PARPBP: variants seen among roughly 807,000 people sequenced by gnomAD.
The protein encoded by PARPBP is PCNA-interacting partner.
PARPBP carries 52 observed loss-of-function variants against 50.0 expected under a neutral mutation model. That is an observed-to-expected ratio of 1.04 (90% CI 0.83 to 1.31). PARPBP has a LOEUF of 1.31. Ranked by LOEUF, PARPBP falls within the 50% of genes most tolerant of loss-of-function variation. The probability of loss-of-function intolerance (pLI) is 0.00; values close to 1 mark genes in which losing one functional copy is unlikely to be tolerated. For missense variants in PARPBP, 697 were observed against 672.0 expected, an observed-to-expected ratio of 1.04 and a Z score of -0.41; for synonymous variants, 244 against 232.1, an observed-to-expected ratio of 1.05 and a Z score of -0.47.
intron 4 of PARPBP, among the ~76,000 whole-genome samples, chr12:102,157,672 C>G (rs1354751597): frequency 6.6e-6 from 1 of 152,126 alleles, no homozygotes; most frequent in African/African-American, 2.4e-5. Context: ...CTCTCCAGTA[C>G]AAAGATGTAG....
chr12:102,175,747 C>A, intron 7 of PARPBP, 81 bp downstream of exon 7: 1 of 846,670 alleles, frequency 1.2e-6, no homozygotes, highest in Non-Finnish European at 1.7e-6. Flanking sequence ...TTTATTATTG[C>A]TACTTAAGTC....
intron 1 of PARPBP, among the ~76,000 whole-genome samples, chr12:102,122,803 G>A (rs926119171): frequency 1.3e-5 from 2 of 152,176 alleles, no homozygotes; most frequent in Admixed American, 1.3e-4. Context: ...GTAAAATAAG[G>A]ATAATAACAG....
chr12:102,175,234 C>G (rs1889146917), intron 6 of PARPBP, among the ~76,000 whole-genome samples: 2 of 152,148 alleles, frequency 1.3e-5, no homozygotes, highest in South Asian at 4.1e-4. Flanking sequence ...TCACATATAA[C>G]TAAATTATTT....
At chr12:102,182,876 G>GT (rs1313099043) in intron 9 of PARPBP, among the ~76,000 whole-genome samples, 2 of 152,158 alleles carry the variant, frequency 1.3e-5, no homozygotes, top group Non-Finnish European at 2.9e-5. Flanking sequence ...AGTTGCTATT[G>GT]TAAGTGTTGA....
At chr12:102,162,750 A>G (rs373756873) in intron 4 of PARPBP, among the ~76,000 whole-genome samples, 126 of 152,160 alleles carry the variant, frequency 8.3e-4, no homozygotes, top group Middle Eastern at 3.4e-3. Flanking sequence ...TAAGCCTGGG[A>G]GGTTGAGGTT....
chr12:102,192,545 A>G (rs1890891671), intron 9 of PARPBP, among the ~76,000 whole-genome samples: 1 of 152,000 alleles, frequency 6.6e-6, no homozygotes, highest in Non-Finnish European at 1.5e-5. Context: ...TAGGTCTTTT[A>G]CATATGTTGT....
intron 6 of PARPBP, 57 bp from the exon 7 acceptor site, chr12:102,175,426 A>G: frequency 9.0e-7 from 1 of 1,115,946 alleles, no homozygotes; most frequent in Non-Finnish European, 1.3e-6. Flanking sequence ...TTTCAAGTCT[A>G]TAAGCATATT....
intron 4 of PARPBP, among the ~76,000 whole-genome samples, chr12:102,159,037 G>A (rs1284709787): frequency 6.6e-6 from 1 of 152,114 alleles, no homozygotes; most frequent in Non-Finnish European, 1.5e-5. Flanking sequence ...GATTTTCTGA[G>A]GAGTATTAAA....
chr12:102,165,904 A>T, intron 6 of PARPBP, 21 bp downstream of exon 6: 1 of 1,409,094 alleles, frequency 7.1e-7, no homozygotes, highest in Non-Finnish European at 9.9e-7. Flanking sequence ...TTCATATATT[A>T]CAAATATGTT....
At chr12:102,128,121 T>C (rs1169738233) in intron 2 of PARPBP, among the ~76,000 whole-genome samples, 1 of 152,166 alleles carries the variant, frequency 6.6e-6, no homozygotes, top group Admixed American at 6.5e-5. Context: ...CTCTTGAAAT[T>C]ATTCCTCCTA....
rs772925662 is a variant in PARPBP at position 102,195,405 on chromosome 12, TC to T, written c.1358del (p.Ser453Ter). 5 of 1,596,358 alleles carry T rather than the reference TC, an allele frequency of 3.1e-6. 1 individual carries two copies. The South Asian group carries it at 5.6e-5, about 18-fold the overall frequency. On this transcript the variant is annotated frameshift_variant, in exon 10 of 11. Transcript: ENST00000327680. LOFTEE classifies it low-confidence loss of function (END_TRUNC). ...KDNWNNVNLASKPLCVLYMEN... is the reference protein window; with the variant it reads ...KDNWNNVNLAXKPLCVLYMEN... ...TAATTGGAATAATGTTAATTTAGCA[TC>T]AAAGCCTTTGTGTGTTCTTTACATG... is the stretch of plus-strand genomic sequence containing the variant.
intron 6 of PARPBP, among the ~76,000 whole-genome samples, chr12:102,168,530 A>G: frequency 6.6e-6 from 1 of 152,146 alleles, no homozygotes; most frequent in Admixed American, 6.6e-5. Context: ...TGCAGTAGGT[A>G]TAGGTTTGTT....
chr12:102,124,871 G>A (rs1443188414), intron 2 of PARPBP, among the ~76,000 whole-genome samples: 6 of 152,076 alleles, frequency 3.9e-5, no homozygotes, highest in African/African-American at 1.4e-4. Context: ...AAAATTATTA[G>A]ACACTGACAG....
rs149900763 is a variant in PARPBP, at chr12:102,132,815, CT to C, written c.153+8776del. ...GGGATAACTTTCCGTATACTTGTGT[CT>C]TCTTTAATTTCTTTTATCCATGTTT... On this transcript the variant is annotated intron_variant, in intron 2 of 10. Transcript: ENST00000327680. Among the ~76,000 whole-genome samples the C allele has an allele frequency of 3.4e-3, 512 of 152,100 alleles. 2 individuals are homozygous for C. Among genetic ancestry groups the C allele is most frequent in the African/African-American group, 0.012 (478 of 41,502 alleles).
chr12:102,145,247 A>G (rs933835149), intron 2 of PARPBP, among the ~76,000 whole-genome samples: 4 of 152,170 alleles, frequency 2.6e-5, no homozygotes, highest in African/African-American at 7.2e-5. Flanking sequence ...CTAGTGAACT[A>G]TAGTTGTACT....
chr12:102,144,752 ACT>A (rs754515205), intron 2 of PARPBP, among the ~76,000 whole-genome samples: 12 of 152,166 alleles, frequency 7.9e-5, no homozygotes, highest in Admixed American at 4.6e-4. Flanking sequence ...TAGTTTTAAA[ACT>A]CTAAATAACT....
chr12:102,157,024 T>G (rs1887026048), intron 4 of PARPBP, among the ~76,000 whole-genome samples: 1 of 152,238 alleles, frequency 6.6e-6, no homozygotes, highest in African/African-American at 2.4e-5. Flanking sequence ...TTAACACATT[T>G]GGTGAATCAC....
intron 2 of PARPBP, among the ~76,000 whole-genome samples, chr12:102,145,177 T>C (rs992291416): frequency 1.3e-5 from 2 of 152,106 alleles, no homozygotes; most frequent in Non-Finnish European, 2.9e-5. Context: ...GAAAATAATA[T>C]TTAGGAGTAC....
Position 102,151,935 on chromosome 12 carries a change from G to T in PARPBP, c.388-1934G>T, listed in dbSNP as rs753032278. On this transcript the variant is annotated intron_variant, in intron 3 of 10. Coordinates refer to ENST00000327680, the MANE Select transcript of PARPBP (RefSeq NM_017915.5). ...AATATAAAACCAGGAGCAAACCTCCGAAGTCCAGGCATCTCAGAGAAATGC... is the reference window on the plus strand; with the variant it reads ...AATATAAAACCAGGAGCAAACCTCCTAAGTCCAGGCATCTCAGAGAAATGC... 185 of 634,404 alleles carry T rather than the reference G, an allele frequency of 2.9e-4. No individual in the cohort carries two copies. The Middle Eastern group carries it at 3.2e-3, about 11-fold the overall frequency. 39.3% of individuals were successfully genotyped at this position (634,404 alleles called of 1,614,324 possible).
Sources: allele counts gnomAD v4.1 joint callset (sites outside exome capture counted in the v4.1 genomes callset), GRCh38; gene constraint gnomAD v4.1.1; transcripts MANE v1.5; gene names NCBI Gene and HGNC (gene_info 2026-07-23, HGNC 2026-07-21).